The following TMC7 variants were observed in gnomAD, a reference collection of about 807,000 sequenced individuals.
TMC7 encodes the protein transmembrane channel like 7.
TMC7 carries 54 observed loss-of-function variants against 82.9 expected under a neutral mutation model. The ratio of observed to expected loss-of-function variants is 0.65; its 90% CI spans 0.52 to 0.82. TMC7 has a LOEUF of 0.82. TMC7 is among the 40% of genes least tolerant of loss of function. The probability of loss-of-function intolerance (pLI) is 0.00; values close to 1 mark genes in which losing one functional copy is unlikely to be tolerated. For synonymous variants in TMC7, 350 were observed against 337.9 expected (o/e 1.04, Z -0.39); for missense variants, 820 against 901.2 (o/e 0.91, Z 1.15).
At chr16:19,015,734 T>A (rs1197519053) in intron 2 of TMC7, among the ~76,000 whole-genome samples, 1 of 151,956 alleles carries the variant, frequency 6.6e-6, no homozygotes, top group Non-Finnish European at 1.5e-5. Flanking sequence ...CCCACCACCA[T>A]GCCTGGCTAA....
At chr16:18,984,430 A>G (rs1596704221) in intron 1 of TMC7, 1 of 1,208,008 alleles carries the variant, frequency 8.3e-7, no homozygotes. Context: ...CAATAGCCTC[A>G]TCTGCTGTTA....
intron 15 of TMC7, 28 bp from the exon 16 acceptor site, chr16:19,061,750 A>G: frequency 1.9e-6 from 3 of 1,595,740 alleles, no homozygotes; most frequent in Non-Finnish European, 2.6e-6. Context: ...AATATATTAA[A>G]TGTACATGTG....
At chr16:19,040,765 C>T (rs529952017) in intron 9 of TMC7, among the ~76,000 whole-genome samples, 1 of 152,242 alleles carries the variant, frequency 6.6e-6, no homozygotes, top group South Asian at 2.1e-4. Flanking sequence ...GGAGTTAACA[C>T]AAATGAGTGG....
At chr16:19,016,268 TTAG>T (rs1959685065) in intron 2 of TMC7, among the ~76,000 whole-genome samples, 179 bp from the exon 3 acceptor site, 2 of 151,796 alleles carry the variant, frequency 1.3e-5, no homozygotes, top group South Asian at 4.2e-4. Flanking sequence ...TTTTGTATTT[TTAG>T]TAGAGATGGT....
intron 1 of TMC7, among the ~76,000 whole-genome samples, chr16:19,007,130 AGG>A (rs1044544655): frequency 6.6e-6 from 1 of 151,962 alleles, no homozygotes; most frequent in African/African-American, 2.4e-5. Flanking sequence ...TGGCTGTCCC[AGG>A]GGTTTGAAGA....
At chr16:18,993,870 G>T (rs2038993229) in intron 1 of TMC7, among the ~76,000 whole-genome samples, 1 of 152,172 alleles carries the variant, frequency 6.6e-6, no homozygotes, top group African/African-American at 2.4e-5. Context: ...TAGTGGAGGG[G>T]GGCAGAGTGG....
At chr16:19,039,373 G>C (rs1960906809) in intron 8 of TMC7, among the ~76,000 whole-genome samples, 1 of 151,998 alleles carries the variant, frequency 6.6e-6, no homozygotes, top group Non-Finnish European at 1.5e-5. Flanking sequence ...TTACAGGCAT[G>C]AGCCACCACA....
chr16:18,993,602 G>A (rs981566373), intron 1 of TMC7, among the ~76,000 whole-genome samples: 1 of 152,172 alleles, frequency 6.6e-6, no homozygotes. Context: ...TGAGTGATGG[G>A]ATCTGATGCC....
At chr16:19,004,845 G>A (rs1245646559) in intron 1 of TMC7, among the ~76,000 whole-genome samples, 1 of 151,724 alleles carries the variant, frequency 6.6e-6, no homozygotes, top group Non-Finnish European at 1.5e-5. Flanking sequence ...CTGTAACATG[G>A]AGATAATTCT....
At chr16:19,037,825 A>C (rs950435311) in intron 7 of TMC7, 49 bp from the exon 8 acceptor site, 6 of 1,556,082 alleles carry the variant, frequency 3.9e-6, no homozygotes, top group African/African-American at 1.4e-5. Context: ...TCTATCCCTG[A>C]GTATCCCTTC....
At chr16:19,050,402 A>C (rs370846249) in intron 12 of TMC7, among the ~76,000 whole-genome samples, 7 of 151,174 alleles carry the variant, frequency 4.6e-5, no homozygotes, top group South Asian at 2.1e-4. Flanking sequence ...ACCAAAAAAA[A>C]CAAAAAACTT....
At chr16:18,993,201 A>C (rs1438415445) in intron 1 of TMC7, among the ~76,000 whole-genome samples, 2 of 152,188 alleles carry the variant, frequency 1.3e-5, no homozygotes, top group South Asian at 2.1e-4. Context: ...AAAGTAAAGA[A>C]TAGGACTTCA....
chr16:18,988,821 T>A (rs2038899204), intron 1 of TMC7, among the ~76,000 whole-genome samples: 2 of 152,094 alleles, frequency 1.3e-5, no homozygotes, highest in South Asian at 2.1e-4. Flanking sequence ...ATGCCGAGGC[T>A]GGTGGATCAC....
chr16:18,985,773 T>C (rs1030937435), intron 1 of TMC7, among the ~76,000 whole-genome samples: 2 of 151,204 alleles, frequency 1.3e-5, no homozygotes, highest in Non-Finnish European at 2.9e-5. Context: ...TTTGTAACTT[T>C]GTAGCACTTT....
intron 13 of TMC7, among the ~76,000 whole-genome samples, chr16:19,055,414 G>A (rs1424721208): frequency 1.3e-5 from 2 of 152,096 alleles, no homozygotes; most frequent in Non-Finnish European, 2.9e-5. Context: ...CTGGAGTACA[G>A]TGGCCCGATC....
chr16:18,984,030 C>T lies in TMC7; in HGVS notation c.-34C>T, dbSNP rs2142098143. 2 of 1,439,600 alleles carry T rather than the reference C, an allele frequency of 1.4e-6. No homozygotes were observed. Among genetic ancestry groups the T allele is most frequent in the Admixed American group, 2.7e-5 (1 of 36,570 alleles). The allele number at this position is 1,439,600 out of a possible 1,614,324, so 89.2% of individuals were successfully genotyped here. A position where few individuals can be genotyped will look rare whatever the true frequency, so the allele number is the denominator to read the frequency against. On this transcript the variant is annotated 5_prime_UTR_variant, in exon 1 of 16. Coordinates refer to ENST00000304381, the MANE Select transcript of TMC7 (RefSeq NM_024847.4). Reference sequence around the variant, plus strand: ...GGCGGCGGCGGCGGCTGGAGAGGGTCCTCGGCAGCCTCTGAGGAGCGCGGG... The same window carrying T: ...GGCGGCGGCGGCGGCTGGAGAGGGTTCTCGGCAGCCTCTGAGGAGCGCGGG...
At chr16:18,996,340 T>G (rs1439983037) in intron 1 of TMC7, among the ~76,000 whole-genome samples, 1 of 152,062 alleles carries the variant, frequency 6.6e-6, no homozygotes, top group Non-Finnish European at 1.5e-5. Flanking sequence ...GAGCAGAGAC[T>G]AGGGAGGGAG....
At chr16:18,992,649 G>A (rs147988263) in intron 1 of TMC7, among the ~76,000 whole-genome samples, 2,426 of 152,250 alleles carry the variant, frequency 0.016, 29 homozygotes, top group Non-Finnish European at 0.021. Context: ...TGCTTTTGGT[G>A]TTTTAGACAT....
chr16:19,048,734 T>C (rs1219475142), intron 12 of TMC7, among the ~76,000 whole-genome samples: 3 of 152,134 alleles, frequency 2.0e-5, no homozygotes, highest in Non-Finnish European at 4.4e-5. Context: ...TTTTTCTTTA[T>C]TATAGAGGCA....
Sources: gnomAD v4.1 joint callset for allele counts (sites outside exome capture counted in the v4.1 genomes callset) on GRCh38, gnomAD v4.1.1 for gene constraint, MANE v1.5 for transcripts, NCBI Gene and HGNC (gene_info 2026-07-23, HGNC 2026-07-21) for gene names.